The following SAMD5 variants were observed in gnomAD, a reference collection of about 807,000 sequenced individuals.
The protein encoded by SAMD5 is sterile alpha motif domain-containing protein 5.
SAMD5 carries 13 observed loss-of-function variants against 11.3 expected under a neutral mutation model. That is an observed-to-expected ratio of 1.15 (90% CI 0.75 to 1.83). SAMD5 has a LOEUF of 1.83. Among genes scored for constraint, SAMD5 ranks in the 40% most tolerant of loss-of-function variants. The pLI, the probability that SAMD5 is intolerant of heterozygous loss-of-function variation, is 0.00. For missense variants in SAMD5, 255 were observed against 239.1 expected, an observed-to-expected ratio of 1.07 and a Z score of -0.44; for synonymous variants, 129 against 111.3, an observed-to-expected ratio of 1.16 and a Z score of -1.00.
intron 1 of SAMD5, among the ~76,000 whole-genome samples, chr6:147,645,988 A>C (rs1276962188): frequency 1.3e-5 from 2 of 151,362 alleles, no homozygotes; most frequent in African/African-American, 4.9e-5. Context: ...CTTTGTCTCT[A>C]TTTCTATATC....
downstream of SAMD5, among the ~76,000 whole-genome samples, chr6:147,570,648 TAATCAAATCATTTA>T (rs1789123099): frequency 6.6e-6 from 1 of 152,200 alleles, no homozygotes; most frequent in South Asian, 2.1e-4. Flanking sequence ...ATTTGATTTT[TAATCAAATCATTTA>T]AATCAAATCA....
chr6:147,518,141 C>T (rs186221872), intron 1 of SAMD5, among the ~76,000 whole-genome samples: 2 of 152,168 alleles, frequency 1.3e-5, no homozygotes, highest in African/African-American at 4.8e-5. Context: ...TAAATCGTGC[C>T]CGGATATCAG....
intron 1 of SAMD5, among the ~76,000 whole-genome samples, chr6:147,733,542 T>C (rs187364553): frequency 6.6e-6 from 1 of 151,542 alleles, no homozygotes; most frequent in East Asian, 1.9e-4. Context: ...TTTTAGTCAC[T>C]CCAGTCAGGA....
At chr6:147,765,209 C>A in the SAMD5 span, among the ~76,000 whole-genome samples, 1 of 151,772 alleles carries the variant, frequency 6.6e-6, no homozygotes, top group Non-Finnish European at 1.5e-5. Context: ...ATTTTCTTGT[C>A]TTTTTTTTGT....
At chr6:147,647,576 G>A (rs1317498626) in intron 1 of SAMD5, among the ~76,000 whole-genome samples, 2 of 152,150 alleles carry the variant, frequency 1.3e-5, no homozygotes, top group Non-Finnish European at 2.9e-5. Context: ...ATGATTATAA[G>A]TGGTAGATAG....
rs1371232517 is a variant in SAMD5 at position 147,676,377 on chromosome 6, T to C, written c.163-60940T>C. Among the ~76,000 whole-genome samples, 3 of 152,104 alleles carry C rather than the reference T, an allele frequency of 2.0e-5. No individual in the cohort carries two copies. The East Asian group carries it at 5.8e-4, about 29-fold the overall frequency. ...CCTTCAGGTGTTTGCTGAAAGATCA[T>C]CTATTCAGTGGGGCTTTCTTAGACC... On this transcript the variant is annotated intron_variant, in intron 1 of 1. Coordinates refer to the SAMD5 transcript ENST00000566741.
chr6:147,731,006 A>G (rs1484845637), intron 1 of SAMD5, among the ~76,000 whole-genome samples: 2 of 152,238 alleles, frequency 1.3e-5, no homozygotes. Context: ...GTAAATATTG[A>G]GCCTGTACTA....
chr6:147,585,610 G>A (rs1789362864), intron 1 of SAMD5, among the ~76,000 whole-genome samples: 1 of 152,018 alleles, frequency 6.6e-6, no homozygotes, highest in African/African-American at 2.4e-5. Flanking sequence ...CCCCTTCATG[G>A]CCTGAGAGAA....
At chr6:147,849,234 G>A in the SAMD5 span, among the ~76,000 whole-genome samples, 21 of 144,542 alleles carry the variant, frequency 1.5e-4, no homozygotes, top group African/African-American at 5.5e-4. Flanking sequence ...TTTTAAAAAA[G>A]TTCCCATTTA....
chr6:147,840,100 TG>T, the SAMD5 span, among the ~76,000 whole-genome samples: 2 of 152,234 alleles, frequency 1.3e-5, no homozygotes, highest in African/African-American at 4.8e-5. Context: ...TCAAAGGAAA[TG>T]TCTGTATACG....
the SAMD5 span, among the ~76,000 whole-genome samples, chr6:147,778,289 C>G: frequency 6.6e-6 from 1 of 152,174 alleles, no homozygotes; most frequent in African/African-American, 2.4e-5. Context: ...CCTCCAGCCC[C>G]CTGGCTTTAA....
chr6:147,887,716 T>C, the SAMD5 span, among the ~76,000 whole-genome samples: 345 of 152,318 alleles, frequency 2.3e-3, no homozygotes, highest in African/African-American at 8.1e-3. Context: ...GTGGGTCATA[T>C]GGTACCTATG....
chr6:147,648,875 T>A (rs1230747354), intron 1 of SAMD5, among the ~76,000 whole-genome samples: 1 of 152,250 alleles, frequency 6.6e-6, no homozygotes, highest in Non-Finnish European at 1.5e-5. Flanking sequence ...TATATACATT[T>A]AATTACCATA....
chr6:147,739,227 C>T (rs764990978), downstream of SAMD5, among the ~76,000 whole-genome samples: 7 of 152,326 alleles, frequency 4.6e-5, no homozygotes, highest in Middle Eastern at 3.4e-3. Flanking sequence ...CTCTGCGCTA[C>T]TAAAGCCCTG....
the SAMD5 span, among the ~76,000 whole-genome samples, chr6:147,848,780 A>G: frequency 1.3e-5 from 2 of 152,214 alleles, no homozygotes; most frequent in East Asian, 3.9e-4. Flanking sequence ...TCTGCTCCAC[A>G]ATTCAGATCA....
At chr6:147,909,076 G>A in the SAMD5 span, among the ~76,000 whole-genome samples, 634 of 152,266 alleles carry the variant, frequency 4.2e-3, 12 homozygotes, top group Admixed American at 0.033. Flanking sequence ...CGGCATGGTG[G>A]TGTGCACCTG....
chr6:147,913,765 T>C, the SAMD5 span, among the ~76,000 whole-genome samples: 1 of 152,316 alleles, frequency 6.6e-6, no homozygotes, highest in South Asian at 2.1e-4. Flanking sequence ...TGGACTTGAA[T>C]TAGATGTATT....
chr6:147,753,876 G>A, the SAMD5 span, among the ~76,000 whole-genome samples: 3 of 152,108 alleles, frequency 2.0e-5, no homozygotes, highest in Non-Finnish European at 4.4e-5. Flanking sequence ...TGTTGCAAAT[G>A]ACAGCATCTA....
the SAMD5 span, among the ~76,000 whole-genome samples, chr6:147,752,826 C>T: frequency 6.6e-6 from 1 of 152,144 alleles, no homozygotes; most frequent in African/African-American, 2.4e-5. Context: ...CTTCAGCACT[C>T]TGCACTTAAG....
Sources: allele counts gnomAD v4.1 joint callset (sites outside exome capture counted in the v4.1 genomes callset), GRCh38; gene constraint gnomAD v4.1.1; transcripts MANE v1.5; gene names NCBI Gene and HGNC (gene_info 2026-07-23, HGNC 2026-07-21).